Variants in OSBPL5 observed in about 807,000 individuals in gnomAD.
OSBPL5 encodes oxysterol binding protein like 5, also known as oxysterol-binding protein-related protein 5.
OSBPL5 carries 71 observed loss-of-function variants against 111.2 expected under a neutral mutation model. That is an observed-to-expected ratio of 0.64 (90% CI 0.53 to 0.78). The LOEUF (loss-of-function observed/expected upper bound fraction) is 0.78. Among genes scored for constraint, OSBPL5 ranks in the 30% least tolerant of loss-of-function variants. OSBPL5 has a pLI of 0.00. For synonymous variants in OSBPL5, 549 were observed against 513.9 expected (o/e 1.07, Z -0.93); for missense variants, 1,210 against 1,189.3 (o/e 1.02, Z -0.26).
In OSBPL5 at chr11:3,109,144, G is replaced by T. The variant is rs1857820658; in HGVS notation, c.692-1199C>A. 6.6e-6 allele frequency among the ~76,000 whole-genome samples: 1 copy of T among 151,868 alleles called. No individual in the cohort carries two copies. Among genetic ancestry groups the T allele is most frequent in the Admixed American group, 6.6e-5 (1 of 15,252 alleles). On this transcript the variant is annotated intron_variant, in intron 7 of 21. Coordinates refer to ENST00000263650, the MANE Select transcript of OSBPL5 (RefSeq NM_020896.4). This position sits in a 1 kb window ranked among gnomAD's most constrained non-coding sequence, Gnocchi z 7.4. ...GCTCTGTCACCCAGGCTGGAGTGCA[G>T]TAGGGTGATCTCAGCTCGCTGCAAC...
chr11:3,158,395 A>G (rs953343201), intron 1 of OSBPL5, among the ~76,000 whole-genome samples: 1 of 152,270 alleles, frequency 6.6e-6, no homozygotes, highest in African/African-American at 2.4e-5. Flanking sequence ...TACAAAGCAC[A>G]AACGGCTCTT....
chr11:3,089,228 G>T (rs1856976301), intron 21 of OSBPL5, among the ~76,000 whole-genome samples: 1 of 152,222 alleles, frequency 6.6e-6, no homozygotes, highest in South Asian at 2.1e-4. Flanking sequence ...TCACCCTGGG[G>T]TACTGCTATC....
intron 7 of OSBPL5, among the ~76,000 whole-genome samples, chr11:3,108,739 G>C (rs1001357628): frequency 6.6e-6 from 1 of 151,236 alleles, no homozygotes; most frequent in Admixed American, 6.6e-5. Context: ...TCTCGTGGTG[G>C]CCTGTGACAG....
At chr11:3,136,726 C>A (rs1845957906) in intron 1 of OSBPL5, among the ~76,000 whole-genome samples, 1 of 152,186 alleles carries the variant, frequency 6.6e-6, no homozygotes, top group African/African-American at 2.4e-5. Context: ...CAGACCCAGC[C>A]CCCTCCACGC....
At chr11:3,159,344 C>T (rs1413947909) in intron 1 of OSBPL5, among the ~76,000 whole-genome samples, 2 of 152,186 alleles carry the variant, frequency 1.3e-5, no homozygotes, top group African/African-American at 4.8e-5. Context: ...ACCCCAGCCT[C>T]AGGGTAACGA....
intron 1 of OSBPL5, among the ~76,000 whole-genome samples, chr11:3,138,781 G>A (rs570624192): frequency 9.9e-5 from 15 of 151,200 alleles, no homozygotes; most frequent in African/African-American, 3.2e-4. Flanking sequence ...ACCCAGGTGG[G>A]GGACCAAGGG....
intron 1 of OSBPL5, among the ~76,000 whole-genome samples, chr11:3,164,769 G>A (rs963173888): frequency 6.6e-6 from 1 of 152,210 alleles, no homozygotes; most frequent in African/African-American, 2.4e-5. Context: ...GACCCATCAA[G>A]ACCTGGCTCC....
chr11:3,091,703 G>T (rs960926394), intron 19 of OSBPL5, among the ~76,000 whole-genome samples: 3 of 152,144 alleles, frequency 2.0e-5, no homozygotes, highest in Non-Finnish European at 4.4e-5. Context: ...TAGTCCCTTG[G>T]CAGGCAGAGC....
At chr11:3,129,427 T>C (rs937666099) in intron 1 of OSBPL5, 1 of 272,900 alleles carries the variant, frequency 3.7e-6, no homozygotes, top group Non-Finnish European at 6.8e-6. Context: ...GAGAGGCTCA[T>C]CACCACCCTC....
chr11:3,096,764 A>G (rs1322405715), intron 14 of OSBPL5, among the ~76,000 whole-genome samples: 2 of 152,130 alleles, frequency 1.3e-5, no homozygotes, highest in Admixed American at 1.3e-4. Flanking sequence ...AGGTGGGTGC[A>G]TTGCTGTGCT....
chr11:3,143,154 G>A (rs1201809181), intron 1 of OSBPL5, among the ~76,000 whole-genome samples: 2 of 111,158 alleles, frequency 1.8e-5, no homozygotes, highest in Non-Finnish European at 3.7e-5. Context: ...GGAGGCAGGT[G>A]CAGAGCCGGG....
chr11:3,095,384 A>G (rs1487867796), intron 14 of OSBPL5, among the ~76,000 whole-genome samples: 4 of 152,150 alleles, frequency 2.6e-5, no homozygotes, highest in Non-Finnish European at 5.9e-5. Context: ...TGATCACTAA[A>G]TATTATTTCC....
rs1037789962 is a variant in OSBPL5, at chr11:3,161,147, T to C, written c.-22+4069A>G. On this transcript the variant is annotated intron_variant, in intron 1 of 21. Transcript: ENST00000263650. The surrounding 1 kb of genome is among the most constrained non-coding windows in gnomAD (Gnocchi z 8.0). ...GTTTTCCACTTAAAATCCCTAAGAA[T>C]GTACATATTTAGAAGGAATACTGTT... The C allele has an allele frequency of 6.6e-6, 1 of 152,198 alleles. No homozygotes were observed. The highest frequency in any genetic ancestry group is 6.5e-5 in the Admixed American group (1 of 15,286). 9.4% of individuals were successfully genotyped at this position (152,198 alleles called of 1,614,324 possible). A position where few individuals can be genotyped will look rare whatever the true frequency, so the allele number is the denominator to read the frequency against.
chr11:3,103,827 C>T (rs556071266), intron 10 of OSBPL5, among the ~76,000 whole-genome samples: 16 of 66,004 alleles, frequency 2.4e-4, no homozygotes, highest in Middle Eastern at 8.1e-3. Context: ...TGCGCAGCCC[C>T]CTTCCAGCCT....
intron 1 of OSBPL5, among the ~76,000 whole-genome samples, chr11:3,132,684 T>C (rs889754333): frequency 1.3e-5 from 2 of 152,152 alleles, no homozygotes; most frequent in East Asian, 3.9e-4. Flanking sequence ...CAAATTCCAC[T>C]GTCAGCTTCA....
At chr11:3,150,308 TA>T (rs199620815) in intron 1 of OSBPL5, among the ~76,000 whole-genome samples, 4 of 151,538 alleles carry the variant, frequency 2.6e-5, no homozygotes, top group East Asian at 1.9e-4. Flanking sequence ...CAGCTTTTTT[TA>T]AAAAAAAAGT....
chr11:3,150,709 G>T (rs998725593), intron 1 of OSBPL5, among the ~76,000 whole-genome samples: 2 of 152,200 alleles, frequency 1.3e-5, no homozygotes, highest in Non-Finnish European at 2.9e-5. Flanking sequence ...ACTGCTGACA[G>T]CCTGGGTGTC....
At chr11:3,098,095 C>T (rs1161695798) in intron 14 of OSBPL5, among the ~76,000 whole-genome samples, 2 of 151,886 alleles carry the variant, frequency 1.3e-5, no homozygotes, top group African/African-American at 4.8e-5. Context: ...TAAAAACAAA[C>T]AAACAAAAAA....
At chr11:3,153,092 G>A (rs978078708) in intron 1 of OSBPL5, among the ~76,000 whole-genome samples, 1 of 152,058 alleles carries the variant, frequency 6.6e-6, no homozygotes. Flanking sequence ...GGCGCCAGGG[G>A]GTCCCGGCTA....
Sources: gnomAD v4.1 joint callset for allele counts (sites outside exome capture counted in the v4.1 genomes callset) on GRCh38, gnomAD v4.1.1 for gene constraint, Gnocchi (gnomAD v3.1) non-coding constraint, MANE v1.5 for transcripts, NCBI Gene and HGNC (gene_info 2026-07-23, HGNC 2026-07-21) for gene names.